Variants in RADIL observed in about 807,000 individuals in gnomAD.
The protein encoded by RADIL is Rap associating with DIL domain.
A neutral mutation model predicts 97.6 loss-of-function variants in RADIL; 99 were observed. The observed-to-expected ratio is 1.01, with a 90% CI of 0.86 to 1.20. RADIL has a LOEUF of 1.20. RADIL is among the 50% of genes most tolerant of loss of function. The pLI, the probability that RADIL is intolerant of heterozygous loss-of-function variation, is 0.00. For synonymous variants in RADIL, 803 were observed against 691.8 expected, an observed-to-expected ratio of 1.16 and a Z score of -2.52; for missense variants, 1,765 against 1,498.9, an observed-to-expected ratio of 1.18 and a Z score of -2.93.
intron 1 of RADIL, chr7:4,882,018 T>C (rs1313864910): frequency 1.3e-5 from 2 of 151,506 alleles, no homozygotes; most frequent in African/African-American, 4.9e-5. Context: ...AGCAGTATCA[T>C]GAAACAGGAG....
chr7:4,807,740 C>G (rs1251583731), intron 9 of RADIL, among the ~76,000 whole-genome samples: 45 of 72,354 alleles, frequency 6.2e-4, no homozygotes, highest in Admixed American at 1.1e-3. Context: ...CGTCTCTCTG[C>G]CCTCCCTCCT....
chr7:4,831,128 T>C (rs1406334182), intron 5 of RADIL, among the ~76,000 whole-genome samples: 3 of 149,078 alleles, frequency 2.0e-5, no homozygotes, highest in South Asian at 2.1e-4. Flanking sequence ...GAGGTGGAGG[T>C]TGCCGTGAGC....
rs552774567 is a variant in RADIL at position 4,835,372 on chromosome 7, A to G, written c.784-133T>C. On this transcript the variant is annotated intron_variant, in intron 3 of 14. Coordinates refer to ENST00000399583, the MANE Select transcript of RADIL (RefSeq NM_018059.5). This position sits in a 1 kb window ranked among gnomAD's most constrained non-coding sequence, Gnocchi z 5.8. ...CCACGGGCTCTCCATGTCCCTGGCC[A>G]CCCCCACACCAGAACCCCGACGGCT... The G allele has an allele frequency of 1.5e-5, 17 of 1,171,690 alleles. No individual in the cohort carries two copies. Among genetic ancestry groups the G allele is most frequent in the Non-Finnish European group, 1.9e-5 (16 of 838,682 alleles). The allele number at this position is 1,171,690 out of a possible 1,614,324, so 72.6% of individuals were successfully genotyped here. A position where few individuals can be genotyped will look rare whatever the true frequency, so the allele number is the denominator to read the frequency against.
intron 2 of RADIL, among the ~76,000 whole-genome samples, chr7:4,846,545 CTT>C (rs367898251): frequency 0.023 from 2,867 of 125,374 alleles, 33 homozygotes; most frequent in South Asian, 0.028. Flanking sequence ...CTGCATCTGT[CTT>C]TTTTTTTTTT....
At position 4,798,269 on chromosome 7, in the gene RADIL, C is replaced by T. The variant is rs533254823; in HGVS notation, c.*1109G>A. 5 of 152,076 alleles carry T rather than the reference C, an allele frequency of 3.3e-5. No homozygotes were observed. Among genetic ancestry groups the T allele is most frequent in the African/African-American group, 7.2e-5 (3 of 41,426 alleles). 9.4% of individuals were successfully genotyped at this position (152,076 alleles called of 1,614,324 possible). On this transcript the variant is annotated 3_prime_UTR_variant, in exon 15 of 15. Transcript: ENST00000399583. ...GGCGCGGGGCGGACGCGCTGCACCT[C>T]GCCGTAGCGCACACCAGGGGGCAGC... is the stretch of plus-strand genomic sequence containing the variant.
intron 11 of RADIL, among the ~76,000 whole-genome samples, chr7:4,803,022 G>C (rs1782163934): frequency 4.6e-5 from 3 of 65,094 alleles, no homozygotes; most frequent in Non-Finnish European, 7.9e-5. Context: ...GGGCACCTCA[G>C]GGCACGCTGG....
In RADIL at chr7:4,803,765, G is replaced by A. The variant is rs1782196740; in HGVS notation, c.2291-11C>T. 1 of 1,550,520 alleles carries A rather than the reference G, an allele frequency of 6.4e-7. No homozygotes were observed. The highest frequency in any genetic ancestry group is 1.9e-5 in the Admixed American group (1 of 51,450). ...ACTCCAGAACATCCTCTGCAGGGGA[G>A]AGAGGATGCCCGTAATGGCCACAGG... On this transcript the variant is annotated splice_polypyrimidine_tract_variant and intron_variant, in intron 10 of 14. Coordinates refer to ENST00000399583, the MANE Select transcript of RADIL (RefSeq NM_018059.5).
intron 2 of RADIL, chr7:4,861,547 C>G (rs1002376972): frequency 9.3e-6 from 15 of 1,613,940 alleles, no homozygotes; most frequent in Non-Finnish European, 1.1e-5. Context: ...CAATTACAGA[C>G]TGGGGAAGAC....
intron 2 of RADIL, chr7:4,861,120 A>G (rs780454400): frequency 6.2e-7 from 1 of 1,614,094 alleles, no homozygotes; most frequent in Admixed American, 1.7e-5. Context: ...CACTTGGCCC[A>G]CAGTTTGATG....
chr7:4,826,080 T>C (rs973392474), intron 5 of RADIL, among the ~76,000 whole-genome samples: 1 of 151,774 alleles, frequency 6.6e-6, no homozygotes, highest in African/African-American at 2.4e-5. Context: ...TGGTGGTGCA[T>C]GCCTGTAGTC....
chr7:4,810,996 G>T (rs1460816492), intron 9 of RADIL, among the ~76,000 whole-genome samples: 1 of 152,148 alleles, frequency 6.6e-6, no homozygotes, highest in Non-Finnish European at 1.5e-5. Context: ...AATTAGCTGG[G>T]TGTGGTGGCA....
In RADIL at chr7:4,834,833, G is replaced by A. The variant is rs542722006; in HGVS notation, c.1190C>T (p.Ala397Val). 6.1e-6 allele frequency: 8 copies of A among 1,315,760 alleles called. No individual in the cohort carries two copies. In the African/African-American group the frequency reaches 9.2e-5, roughly 15 times the overall value. The allele number at this position is 1,315,760 out of a possible 1,614,324, so 81.5% of individuals were successfully genotyped here. ...GARGAASPTQ[A>V]ALPRRQQLLL... Reference sequence around the variant, plus strand: ...CAGCTGCTGGCGCCGGGGCAGGGCGGCCTGAGTAGGGGAGGCGGCTCCCCG... The same window carrying A: ...CAGCTGCTGGCGCCGGGGCAGGGCGACCTGAGTAGGGGAGGCGGCTCCCCG... The change falls in exon 4 of 15, where the codon GCC (alanine) becomes GTC (valine). Residue 397 changes from alanine (A) to valine (V), a missense_variant. Coordinates refer to ENST00000399583, the MANE Select transcript of RADIL (RefSeq NM_018059.5). This position sits in a 1 kb window ranked among gnomAD's most constrained non-coding sequence, Gnocchi z 6.0.
chr7:4,832,455 G>C (rs1184393773), intron 4 of RADIL, among the ~76,000 whole-genome samples: 2 of 152,098 alleles, frequency 1.3e-5, no homozygotes, highest in African/African-American at 2.4e-5. Context: ...AAAAATAGTA[G>C]AGGCTGGGCA....
At chr7:4,832,858 A>G (rs1249219641) in intron 4 of RADIL, among the ~76,000 whole-genome samples, 1 of 152,290 alleles carries the variant, frequency 6.6e-6, no homozygotes, top group Non-Finnish European at 1.5e-5. Context: ...TTGGTAAGGA[A>G]TGAGGACGGG....
At chr7:4,876,339 T>A (rs1784375728) in intron 2 of RADIL, among the ~76,000 whole-genome samples, 1 of 152,004 alleles carries the variant, frequency 6.6e-6, no homozygotes, top group South Asian at 2.1e-4. Context: ...TCGTTCTTGT[T>A]GCCCAGGCTG....
rs376126284 is a variant in RADIL at position 4,834,775 on chromosome 7, C to T, written c.1248G>A (p.Thr416=). The change falls in exon 4 of 15, where the codon ACG becomes ACA. Residue 416 remains threonine, a synonymous_variant. Transcript: ENST00000399583. This position sits in a 1 kb window ranked among gnomAD's most constrained non-coding sequence, Gnocchi z 6.0. Reference sequence around the variant, plus strand: ...TCAACGTCATGATCCTCTGCAGCAGCGTGTCCTCCAGGTGGGGCTCAAACT... The same window carrying T: ...TCAACGTCATGATCCTCTGCAGCAGTGTGTCCTCCAGGTGGGGCTCAAACT... ...LLEFEPHLED[T]LLQRIMTLIE... is the part of the protein sequence containing the mutation. The T allele has an allele frequency of 9.9e-5, 137 of 1,381,242 alleles. No homozygotes were observed. The highest frequency in any genetic ancestry group is 1.9e-4 in the Middle Eastern group (1 of 5,214). The allele number at this position is 1,381,242 out of a possible 1,614,324, so 85.6% of individuals were successfully genotyped here. A position where few individuals can be genotyped will look rare whatever the true frequency, so the allele number is the denominator to read the frequency against.
chr7:4,845,396 T>G (rs1783543060), intron 2 of RADIL, among the ~76,000 whole-genome samples: 1 of 152,144 alleles, frequency 6.6e-6, no homozygotes, highest in Non-Finnish European at 1.5e-5. Flanking sequence ...CCAGCCTGGG[T>G]GACAGAGCAA....
chr7:4,831,942 C>T (rs898110572), intron 5 of RADIL, among the ~76,000 whole-genome samples, 199 bp downstream of exon 5: 1 of 152,094 alleles, frequency 6.6e-6, no homozygotes, highest in African/African-American at 2.4e-5. Context: ...TAAGGGTGCC[C>T]TGAAGCAATT....
intron 2 of RADIL, among the ~76,000 whole-genome samples, chr7:4,850,606 A>AACCTGACAACAGTCACTGGG (rs1783685466): frequency 6.6e-6 from 1 of 152,204 alleles, no homozygotes; most frequent in African/African-American, 2.4e-5. Context: ...ATCACGGGGC[A>AACCTGACAACAGTCACTGGG]ACCTGACAAC....
Sources: gnomAD v4.1 joint callset for allele counts (sites outside exome capture counted in the v4.1 genomes callset) on GRCh38, gnomAD v4.1.1 for gene constraint, Gnocchi (gnomAD v3.1) non-coding constraint, MANE v1.5 for transcripts, NCBI Gene and HGNC (gene_info 2026-07-23, HGNC 2026-07-21) for gene names.